ULK2: variants seen among roughly 807,000 people sequenced by gnomAD.
ULK2 encodes serine/threonine-protein kinase ULK2.
A neutral mutation model predicts 127.5 loss-of-function variants in ULK2; 76 were observed. The ratio of observed to expected loss-of-function variants is 0.60; its 90% CI spans 0.50 to 0.72. The LOEUF (loss-of-function observed/expected upper bound fraction) is 0.72. Ranked by LOEUF, ULK2 falls within the 30% of genes least tolerant of loss-of-function variation. The pLI, the probability that ULK2 is intolerant of heterozygous loss-of-function variation, is 0.00. For synonymous variants in ULK2, 452 were observed against 461.9 expected, an observed-to-expected ratio of 0.98 and a Z score of 0.28; for missense variants, 1,144 against 1,295.9, an observed-to-expected ratio of 0.88 and a Z score of 1.80.
At chr17:19,802,076 G>T (rs1389193594) in intron 15 of ULK2, among the ~76,000 whole-genome samples, 154 bp from the exon 16 acceptor site, 1 of 152,156 alleles carries the variant, frequency 6.6e-6, no homozygotes, top group Non-Finnish European at 1.5e-5. Flanking sequence ...AAAAGAGTGA[G>T]GTCTCCCTCT....
intron 4 of ULK2, 134 bp from the exon 5 acceptor site, chr17:19,849,539 A>C (rs1390097956): frequency 1.0e-6 from 1 of 988,016 alleles, no homozygotes; most frequent in East Asian, 2.7e-5. Context: ...TATAGATTCA[A>C]AATTTTTTAA....
At chr17:19,852,042 C>CT in intron 3 of ULK2, among the ~76,000 whole-genome samples, 1 of 101,398 alleles carries the variant, frequency 9.9e-6, no homozygotes, top group African/African-American at 4.4e-5. Context: ...GAGACTCCAT[C>CT]TCAAAAAAAA....
chr17:19,826,225 T>C (rs772739497), intron 10 of ULK2, 39 bp from the exon 11 acceptor site: 4 of 1,248,754 alleles, frequency 3.2e-6, no homozygotes, highest in African/African-American at 1.5e-5. Context: ...TAAAGAGACA[T>C]TGACTAAACT....
Position 19,796,171 on chromosome 17 carries a change from C to T in ULK2, c.1921G>A (p.Glu641Lys). 1 of 1,614,222 alleles carries T rather than the reference C, an allele frequency of 6.2e-7. No individual in the cohort carries two copies. Among genetic ancestry groups the T allele is most frequent in the Non-Finnish European group, 8.5e-7 (1 of 1,180,034 alleles). Residue 641 changes from glutamate to lysine, a missense_variant, in exon 19 of 27, where the codon GAA (glutamate) becomes AAA (lysine). Physicochemically the swap from Glu to Lys is moderately conservative, Grantham distance 56 (BLOSUM62 1). Transcript: ENST00000395544. ...TGCACTAAGAGGCAATGGGCACATTCCCGTGGCTCATTCCCATCTTTCGAC... is the reference window on the plus strand; with the variant it reads ...TGCACTAAGAGGCAATGGGCACATTTCCGTGGCTCATTCCCATCTTTCGAC... Reference protein sequence around the residue: ...EQSKDGNEPRECAHCLLVQGS... With the variant: ...EQSKDGNEPRKCAHCLLVQGS...
intron 10 of ULK2, among the ~76,000 whole-genome samples, chr17:19,827,874 C>A (rs943351393): frequency 3.3e-5 from 5 of 151,294 alleles, no homozygotes; most frequent in Non-Finnish European, 5.9e-5. Flanking sequence ...CCTGCCATTG[C>A]GCTCCAGCCT....
rs2086782963 is a variant in ULK2, at chr17:19,774,548, T to C, written c.*1801A>G. 1.3e-5 allele frequency: 2 copies of C among 152,190 alleles called. No individual in the cohort carries two copies. The highest frequency in any genetic ancestry group is 2.9e-5 in the Non-Finnish European group (2 of 68,030). 9.4% of individuals were successfully genotyped at this position (152,190 alleles called of 1,614,324 possible). ...GAAATTTCACTGTGAATAAAAAATA[T>C]TATATAAAATAAAGTATCACTAATA... is the stretch of plus-strand genomic sequence containing the variant. On this transcript the variant is annotated 3_prime_UTR_variant, in exon 27 of 27. Coordinates refer to ENST00000395544, the MANE Select transcript of ULK2 (RefSeq NM_014683.4).
At chr17:19,821,582 A>C (rs796584762) in intron 12 of ULK2, among the ~76,000 whole-genome samples, 34 of 152,312 alleles carry the variant, frequency 2.2e-4, no homozygotes, top group African/African-American at 7.5e-4. Context: ...GTATGAAATC[A>C]TCTTATTTTT....
chr17:19,829,119 AT>A (rs79506397), intron 10 of ULK2, among the ~76,000 whole-genome samples: 30,636 of 152,150 alleles, frequency 0.2, 3,732 homozygotes, highest in Non-Finnish European at 0.27. Context: ...AAAGACACAA[AT>A]ATTTGAAAGC....
intron 10 of ULK2, among the ~76,000 whole-genome samples, chr17:19,831,918 G>A (rs984079573): frequency 6.6e-6 from 1 of 152,090 alleles, no homozygotes; most frequent in East Asian, 1.9e-4. Flanking sequence ...CTGAGATCAG[G>A]AGTTTAAGAC....
intron 3 of ULK2, among the ~76,000 whole-genome samples, chr17:19,862,268 T>C (rs1275476840): frequency 6.6e-6 from 1 of 151,952 alleles, no homozygotes; most frequent in Non-Finnish European, 1.5e-5. Context: ...AGCTGATTTT[T>C]TTATTTTTAG....
chr17:19,839,317 A>G (rs756948856), intron 9 of ULK2, among the ~76,000 whole-genome samples: 27 of 152,224 alleles, frequency 1.8e-4, no homozygotes, highest in Non-Finnish European at 3.4e-4. Flanking sequence ...AACAACAAGC[A>G]ACAGGAAAAT....
intron 15 of ULK2, among the ~76,000 whole-genome samples, chr17:19,803,851 C>T (rs1309690211): frequency 1.3e-5 from 2 of 152,128 alleles, no homozygotes; most frequent in Non-Finnish European, 2.9e-5. Context: ...CCATGACATA[C>T]ATATATGTAG....
intron 23 of ULK2, among the ~76,000 whole-genome samples, chr17:19,781,542 G>A (rs1163254890): frequency 6.6e-6 from 1 of 152,068 alleles, no homozygotes; most frequent in African/African-American, 2.4e-5. Flanking sequence ...ATAAGCTACT[G>A]CGACCAGCCC....
In ULK2 at chr17:19,776,195, G is replaced by A; in HGVS notation, c.*154C>T. 1.6e-6 allele frequency: 1 copy of A among 607,262 alleles called. No homozygotes were observed. The highest frequency in any genetic ancestry group is 2.7e-6 in the Non-Finnish European group (1 of 368,024). 37.6% of individuals were successfully genotyped at this position (607,262 alleles called of 1,614,324 possible). A position where few individuals can be genotyped will look rare whatever the true frequency, so the allele number is the denominator to read the frequency against. On this transcript the variant is annotated 3_prime_UTR_variant, in exon 27 of 27. Coordinates refer to ENST00000395544, the MANE Select transcript of ULK2 (RefSeq NM_014683.4). Reference sequence around the variant, plus strand: ...ATTTCCTACAAATATGTAGTTTTTGGATTGTTTTTCCTTTTTCAAATCACT... The same window carrying A: ...ATTTCCTACAAATATGTAGTTTTTGAATTGTTTTTCCTTTTTCAAATCACT...
At chr17:19,843,020 C>CA in intron 8 of ULK2, 101 bp downstream of exon 8, 1 of 1,023,132 alleles carries the variant, frequency 9.8e-7, no homozygotes, top group Non-Finnish European at 1.5e-6. Context: ...ACAGAGGAGC[C>CA]AAAAACACTG....
intron 14 of ULK2, among the ~76,000 whole-genome samples, chr17:19,805,643 T>G (rs912304249): frequency 3.9e-5 from 6 of 152,166 alleles, no homozygotes; most frequent in African/African-American, 1.4e-4. Flanking sequence ...CAGACTCCCT[T>G]GCAGCCAAGC....
At chr17:19,859,289 G>A (rs962019739) in intron 3 of ULK2, among the ~76,000 whole-genome samples, 5 of 152,058 alleles carry the variant, frequency 3.3e-5, no homozygotes, top group Non-Finnish European at 5.9e-5. Flanking sequence ...TGAGGCAGGC[G>A]GGTCACCTGA....
intron 20 of ULK2, among the ~76,000 whole-genome samples, chr17:19,790,294 G>A (rs1035440030): frequency 3.3e-5 from 5 of 152,178 alleles, no homozygotes; most frequent in Middle Eastern, 3.2e-3. Flanking sequence ...GCAGGCGCCT[G>A]TAATCCCAGC....
chr17:19,834,141 G>C (rs186563237), intron 10 of ULK2, among the ~76,000 whole-genome samples: 1 of 152,022 alleles, frequency 6.6e-6, no homozygotes, highest in East Asian at 1.9e-4. Flanking sequence ...CAATGGAGGA[G>C]GCCAGAAAGC....
Sources: allele counts gnomAD v4.1 joint callset (sites outside exome capture counted in the v4.1 genomes callset), GRCh38; gene constraint gnomAD v4.1.1; transcripts MANE v1.5; gene names NCBI Gene and HGNC (gene_info 2026-07-23, HGNC 2026-07-21).